The following VAV3 variants were observed in gnomAD, a reference collection of about 807,000 sequenced individuals.
The protein encoded by VAV3 is guanine nucleotide exchange factor VAV3.
Under a neutral mutation model 131.2 loss-of-function variants are expected in VAV3, and 94 were observed. The observed-to-expected ratio is 0.72, with a 90% CI of 0.61 to 0.85. The LOEUF (loss-of-function observed/expected upper bound fraction) is 0.85, where lower values mean the gene tolerates loss of function less well. Among genes scored for constraint, VAV3 ranks in the 40% least tolerant of loss-of-function variants. The pLI, the probability that VAV3 is intolerant of heterozygous loss-of-function variation, is 0.00. For synonymous variants in VAV3, 349 were observed against 342.0 expected (o/e 1.02, Z -0.22); for missense variants, 939 against 1,002.7 (o/e 0.94, Z 0.86).
intron 1 of VAV3, among the ~76,000 whole-genome samples, chr1:107,916,956 T>C (rs1672651113): frequency 6.6e-6 from 1 of 152,084 alleles, no homozygotes; most frequent in African/African-American, 2.4e-5. Flanking sequence ...TGAGGGGATG[T>C]AAAGTGTGAA....
chr1:107,745,396 G>T (rs558405123), intron 15 of VAV3, among the ~76,000 whole-genome samples: 5 of 151,766 alleles, frequency 3.3e-5, no homozygotes, highest in Non-Finnish European at 7.4e-5. Context: ...AAAAAAAAGC[G>T]GGGGGGAATC....
intron 2 of VAV3, among the ~76,000 whole-genome samples, chr1:107,822,360 A>T (rs1667828272): frequency 1.3e-5 from 2 of 152,168 alleles, no homozygotes; most frequent in South Asian, 4.1e-4. Context: ...GGGGAAAAAA[A>T]AATAATTAAA....
chr1:107,736,968 C>A (rs1662682129), intron 15 of VAV3, among the ~76,000 whole-genome samples: 1 of 152,170 alleles, frequency 6.6e-6, no homozygotes, highest in Admixed American at 6.5e-5. Flanking sequence ...TACAAGGCTA[C>A]AGTAACCAAA....
At chr1:107,956,862 TTGTTTATC>T (rs1674840917) in intron 1 of VAV3, among the ~76,000 whole-genome samples, 1 of 152,084 alleles carries the variant, frequency 6.6e-6, no homozygotes, top group African/African-American at 2.4e-5. Context: ...TACCAGGGTT[TTGTTTATC>T]CAAACAAGCA....
intron 25 of VAV3, among the ~76,000 whole-genome samples, chr1:107,587,645 C>T (rs190708818): frequency 1.4e-4 from 21 of 152,304 alleles, no homozygotes; most frequent in Admixed American, 1.1e-3. Context: ...TGCTGGAGTG[C>T]AGTGGCACCA....
chr1:107,792,622 A>G (rs1478524756), intron 2 of VAV3, among the ~76,000 whole-genome samples: 3 of 152,238 alleles, frequency 2.0e-5, no homozygotes, highest in East Asian at 3.8e-4. Context: ...TTTGGGTACA[A>G]ATTTATGTAA....
rs551907765 is a variant in VAV3 at position 107,648,540 on chromosome 1, A to G, written c.1778-5785T>C. On this transcript the variant is annotated intron_variant, in intron 19 of 26. Coordinates refer to ENST00000370056, the MANE Select transcript of VAV3 (RefSeq NM_006113.5). The stretch of plus-strand genomic sequence containing the variant: ...GGAGAAAATGCCATGTACTTGGCAG[A>G]CCCCTGGCAAACAGCTATTCCCAGG... Among the ~76,000 whole-genome samples the G allele has an allele frequency of 4.7e-4, 71 of 152,076 alleles. No homozygotes were observed. The Middle Eastern group carries it at 0.02, about 44-fold the overall frequency.
At chr1:107,745,296 TACAGCCCTTGC>T (rs1663271616) in intron 15 of VAV3, among the ~76,000 whole-genome samples, 1 of 152,018 alleles carries the variant, frequency 6.6e-6, no homozygotes, top group Non-Finnish European at 1.5e-5. Flanking sequence ...CCCCCAGAAC[TACAGCCCTTGC>T]ACTCTATTTG....
At chr1:107,862,081 G>A (rs1571058883) in intron 2 of VAV3, among the ~76,000 whole-genome samples, 1 of 151,664 alleles carries the variant, frequency 6.6e-6, no homozygotes, top group East Asian at 1.9e-4. Flanking sequence ...TTGGCATTGA[G>A]GCAAACCAGA....
chr1:107,760,655 ATAATAATAATTCAAAATTT>A, intron 10 of VAV3, 110 bp downstream of exon 10: 1 of 622,928 alleles, frequency 1.6e-6, no homozygotes, highest in South Asian at 2.9e-5. Context: ...CCACTTAACT[ATAATAATAATTCAAAATTT>A]TAAGGGGATT....
intron 9 of VAV3, among the ~76,000 whole-genome samples, chr1:107,761,392 CAAAAAAAA>C (rs35391183): frequency 2.2e-4 from 23 of 102,522 alleles, no homozygotes; most frequent in African/African-American, 6.0e-4. Flanking sequence ...GACTCCGTCT[CAAAAAAAA>C]AAAAAAAAAG....
At chr1:107,668,352 T>G (rs893505929) in intron 19 of VAV3, among the ~76,000 whole-genome samples, 1 of 152,242 alleles carries the variant, frequency 6.6e-6, no homozygotes, top group African/African-American at 2.4e-5. Flanking sequence ...GGATTTGGTT[T>G]AAAGCTCAGT....
At chr1:107,573,487 TC>T in intron 26 of VAV3, 115 bp from the exon 27 acceptor site, 1 of 1,232,216 alleles carries the variant, frequency 8.1e-7, no homozygotes, top group South Asian at 1.4e-5. Context: ...GGGTTTTATG[TC>T]CATTGTAGGT....
chr1:107,806,657 GT>G (rs2102318176), intron 2 of VAV3, among the ~76,000 whole-genome samples: 1 of 152,040 alleles, frequency 6.6e-6, no homozygotes, highest in South Asian at 2.1e-4. Context: ...CTAACCACCA[GT>G]TTTCTTCAAA....
chr1:107,728,631 G>GTATATGTA, intron 15 of VAV3, among the ~76,000 whole-genome samples: 1 of 123,776 alleles, frequency 8.1e-6, no homozygotes, highest in Non-Finnish European at 1.9e-5. Flanking sequence ...ATATGTATAT[G>GTATATGTA]TATATGTATA....
intron 4 of VAV3, 114 bp downstream of exon 4, chr1:107,777,117 G>C (rs1327548932): frequency 1.1e-6 from 1 of 926,218 alleles, no homozygotes; most frequent in African/African-American, 1.6e-5. Context: ...AGGTTAATCA[G>C]TAATTAAGCC....
intron 2 of VAV3, among the ~76,000 whole-genome samples, chr1:107,833,813 A>T (rs998088508): frequency 6.6e-6 from 1 of 152,204 alleles, no homozygotes; most frequent in Non-Finnish European, 1.5e-5. Flanking sequence ...GGCTTCAAAA[A>T]TGGTGCTAAA....
chr1:107,644,856 C>G (rs145345251), intron 19 of VAV3, among the ~76,000 whole-genome samples: 1 of 151,780 alleles, frequency 6.6e-6, no homozygotes, highest in Non-Finnish European at 1.5e-5. Context: ...GGAATGCCCA[C>G]CACATGCCCA....
chr1:107,875,022 G>C lies in VAV3; in HGVS notation c.205-5C>G. 6.2e-7 allele frequency: 1 copy of C among 1,610,564 alleles called. No individual in the cohort carries two copies. Among genetic ancestry groups the C allele is most frequent in the Non-Finnish European group, 8.5e-7 (1 of 1,177,144 alleles). ...TATGTTCTTCAAACAGAGAAACTGA[G>C]GAATGGAAAAGAGCTGTTAGCATAA... On this transcript the variant is annotated splice_polypyrimidine_tract_variant and splice_region_variant and intron_variant, in intron 1 of 26. Transcript: ENST00000370056.
Sources: allele counts gnomAD v4.1 joint callset (sites outside exome capture counted in the v4.1 genomes callset), GRCh38; gene constraint gnomAD v4.1.1; transcripts MANE v1.5; gene names NCBI Gene and HGNC (gene_info 2026-07-23, HGNC 2026-07-21).